The following KLHL1 variants were observed in gnomAD, a reference collection of about 807,000 sequenced individuals.
KLHL1 encodes kelch like family member 1, also known as kelch-like protein 1.
A neutral mutation model predicts 77.7 loss-of-function variants in KLHL1; 47 were observed. That is an observed-to-expected ratio of 0.60 (90% CI 0.48 to 0.77). The LOEUF (loss-of-function observed/expected upper bound fraction) is 0.77. Ranked by LOEUF, KLHL1 falls within the 30% of genes least tolerant of loss-of-function variation. The pLI, the probability that KLHL1 is intolerant of heterozygous loss-of-function variation, is 0.00. For synonymous variants in KLHL1, 360 were observed against 325.2 expected, an observed-to-expected ratio of 1.11 and a Z score of -1.15; for missense variants, 925 against 910.8, an observed-to-expected ratio of 1.02 and a Z score of -0.20.
At chr13:69,820,413 CAA>C (rs1878287542) in intron 6 of KLHL1, among the ~76,000 whole-genome samples, 1 of 152,228 alleles carries the variant, frequency 6.6e-6, no homozygotes, top group South Asian at 2.1e-4. Flanking sequence ...TCAATTCTAT[CAA>C]AGTCTGGAGG....
intron 5 of KLHL1, among the ~76,000 whole-genome samples, chr13:69,850,252 A>C (rs1879632510): frequency 6.6e-6 from 1 of 151,492 alleles, no homozygotes; most frequent in Non-Finnish European, 1.5e-5. Flanking sequence ...TTTATTGATG[A>C]TTTAGGGTAC....
chr13:69,908,942 T>C (rs1406374208), intron 4 of KLHL1, among the ~76,000 whole-genome samples: 3 of 149,906 alleles, frequency 2.0e-5, no homozygotes, highest in Non-Finnish European at 4.4e-5. Flanking sequence ...ACTAATTTAC[T>C]AGGTATAATA....
At chr13:69,934,972 A>ATATATATATATG (rs1883128509) in intron 4 of KLHL1, among the ~76,000 whole-genome samples, 1 of 134,478 alleles carries the variant, frequency 7.4e-6, no homozygotes, top group African/African-American at 3.1e-5. Flanking sequence ...GTATATATAT[A>ATATATATATATG]TATATATATA....
chr13:70,054,038 A>AT (rs1242476239), intron 1 of KLHL1, among the ~76,000 whole-genome samples: 1 of 152,102 alleles, frequency 6.6e-6, no homozygotes, highest in African/African-American at 2.4e-5. Flanking sequence ...AAATGTGAGT[A>AT]TTAAAAACAT....
intron 1 of KLHL1, among the ~76,000 whole-genome samples, chr13:70,085,553 A>G (rs993399366): frequency 2.6e-5 from 4 of 152,212 alleles, no homozygotes; most frequent in Non-Finnish European, 5.9e-5. Flanking sequence ...CCCTAAAATT[A>G]TTAATCAATA....
chr13:69,926,472 C>G (rs1882816891), intron 4 of KLHL1, among the ~76,000 whole-genome samples: 1 of 152,134 alleles, frequency 6.6e-6, no homozygotes, highest in Non-Finnish European at 1.5e-5. Flanking sequence ...CATAAAACAT[C>G]TCATGTCCAT....
At chr13:69,964,587 T>A (rs1284033779) in intron 2 of KLHL1, among the ~76,000 whole-genome samples, 1 of 152,116 alleles carries the variant, frequency 6.6e-6, no homozygotes, top group African/African-American at 2.4e-5. Context: ...CCAAATTAAC[T>A]CTCTGATACA....
chr13:69,931,938 A>G (rs932518183), intron 4 of KLHL1, among the ~76,000 whole-genome samples: 1 of 151,900 alleles, frequency 6.6e-6, no homozygotes, highest in African/African-American at 2.4e-5. Context: ...AGGAGGTACA[A>G]TAATAAAATT....
chr13:69,846,161 G>A (rs886926429), intron 5 of KLHL1, among the ~76,000 whole-genome samples: 3 of 151,452 alleles, frequency 2.0e-5, no homozygotes, highest in South Asian at 4.1e-4. Flanking sequence ...TCTGGTTTAT[G>A]TATATACAAA....
At chr13:69,920,541 A>T (rs185337421) in intron 4 of KLHL1, among the ~76,000 whole-genome samples, 1 of 152,118 alleles carries the variant, frequency 6.6e-6, no homozygotes, top group Non-Finnish European at 1.5e-5. Context: ...TAATTAAGAA[A>T]ACTATATTGA....
chr13:69,740,425 T>G lies in KLHL1; in HGVS notation c.1771A>C (p.Ser591Arg). The change falls in exon 8 of 11, where the codon AGC (serine) becomes CGC (arginine). Residue 591 changes from serine (S) to arginine (R), a missense_variant. Ser to Arg is a moderately radical substitution (Grantham distance 110). Coordinates refer to ENST00000377844, the MANE Select transcript of KLHL1 (RefSeq NM_020866.3). ...TTCAATGCTGCTACACCAACTGTGCTCCGAGCAATTGACATACTGGCTACA... is the reference window on the plus strand; with the variant it reads ...TTCAATGCTGCTACACCAACTGTGCGCCGAGCAATTGACATACTGGCTACA... ...TFVASMSIAR[S>R]TVGVAALNGK... 6.2e-7 allele frequency: 1 copy of G among 1,609,796 alleles called. No individual in the cohort carries two copies. Among genetic ancestry groups the G allele is most frequent in the Non-Finnish European group, 8.5e-7 (1 of 1,177,094 alleles).
rs2439612 is a variant in KLHL1 at position 70,019,687 on chromosome 13, C to T, written c.498-43885G>A. On this transcript the variant is annotated intron_variant, in intron 1 of 10. Transcript: ENST00000377844. ...GGTAAATAATTTGCCCAAAGTTACACAGTTTATAAATGATAGTGGTGTGAA... is the reference window on the plus strand; with the variant it reads ...GGTAAATAATTTGCCCAAAGTTACATAGTTTATAAATGATAGTGGTGTGAA... Among the ~76,000 whole-genome samples, 12 of 151,986 alleles carry T rather than the reference C, an allele frequency of 7.9e-5. No homozygotes were observed. In the East Asian group the frequency reaches 1.9e-3, roughly 25 times the overall value.
chr13:69,848,673 C>G (rs1374674718), intron 5 of KLHL1, among the ~76,000 whole-genome samples: 1 of 151,354 alleles, frequency 6.6e-6, no homozygotes, highest in Admixed American at 6.6e-5. Context: ...AAACTTACAT[C>G]AGATACATTT....
chr13:70,010,675 G>A (rs1364598317), intron 1 of KLHL1, among the ~76,000 whole-genome samples: 1 of 151,976 alleles, frequency 6.6e-6, no homozygotes, highest in African/African-American at 2.4e-5. Context: ...TGGATCACCT[G>A]AGGTCAGGAG....
At chr13:70,098,222 G>A (rs1887840118) in intron 1 of KLHL1, among the ~76,000 whole-genome samples, 1 of 149,578 alleles carries the variant, frequency 6.7e-6, no homozygotes, top group East Asian at 1.9e-4. Context: ...ATTCAGGTGA[G>A]GTAAGTAAGG....
At chr13:69,819,071 A>C (rs1332012163) in intron 6 of KLHL1, among the ~76,000 whole-genome samples, 1 of 152,208 alleles carries the variant, frequency 6.6e-6, no homozygotes, top group Non-Finnish European at 1.5e-5. Context: ...CAGTTACAGA[A>C]TTGCTGCATA....
At chr13:69,884,655 A>G (rs1881127496) in intron 4 of KLHL1, among the ~76,000 whole-genome samples, 1 of 152,124 alleles carries the variant, frequency 6.6e-6, no homozygotes, top group African/African-American at 2.4e-5. Context: ...ATATTTCATT[A>G]TATTTTATAG....
At chr13:69,770,108 G>A (rs541653412) in intron 7 of KLHL1, among the ~76,000 whole-genome samples, 1 of 152,266 alleles carries the variant, frequency 6.6e-6, no homozygotes, top group East Asian at 2.0e-4. Flanking sequence ...CCTCAGGAGA[G>A]AGCTATAACA....
At chr13:69,974,835 G>C (rs1429132267) in intron 2 of KLHL1, among the ~76,000 whole-genome samples, 1 of 152,044 alleles carries the variant, frequency 6.6e-6, no homozygotes, top group Admixed American at 6.6e-5. Context: ...CAATAATAAT[G>C]ACTGTGAATT....
Sources: allele counts gnomAD v4.1 joint callset (sites outside exome capture counted in the v4.1 genomes callset), GRCh38; gene constraint gnomAD v4.1.1; transcripts MANE v1.5; gene names NCBI Gene and HGNC (gene_info 2026-07-23, HGNC 2026-07-21).